Variants in NINL observed in about 807,000 individuals in gnomAD.
The protein encoded by NINL is ninein-like protein.
A neutral mutation model predicts 160.3 loss-of-function variants in NINL; 153 were observed. The ratio of observed to expected loss-of-function variants is 0.95; its 90% CI spans 0.84 to 1.09. The LOEUF (loss-of-function observed/expected upper bound fraction) is 1.09, where lower values mean the gene tolerates loss of function less well. Among genes scored for constraint, NINL ranks in the 50% least tolerant of loss-of-function variants. The pLI is 0.00. For missense variants in NINL, 1,829 were observed against 1,764.0 expected (o/e 1.04, Z -0.66); for synonymous variants, 800 against 734.8 (o/e 1.09, Z -1.43).
intron 6 of NINL, among the ~76,000 whole-genome samples, chr20:25,504,555 C>A (rs2063926878): frequency 6.6e-6 from 1 of 152,142 alleles, no homozygotes; most frequent in Non-Finnish European, 1.5e-5. Flanking sequence ...TCTTGGAGGC[C>A]TTGTCTTGGC....
rs2063273421 is a variant in NINL at position 25,477,050 on chromosome 20, C to A, written c.2241G>T (p.Gly747=). 1 of 1,598,410 alleles carries A rather than the reference C, an allele frequency of 6.3e-7. No individual in the cohort carries two copies. Among genetic ancestry groups the A allele is most frequent in the Non-Finnish European group, 8.5e-7 (1 of 1,179,514 alleles). ...CTCTGCGAGCGGGCAGGGCTCCCAG[C>A]CCCGACAGCTCTCCACTCAGCTCCG... is the stretch of plus-strand genomic sequence containing the variant. The part of the protein sequence containing the change: ...AEAELSGELS[G]LGALPARRDL... Residue 747 remains glycine (G), a synonymous_variant, in exon 17 of 24, where the codon GGG becomes GGT. Coordinates refer to ENST00000278886, the MANE Select transcript of NINL (RefSeq NM_025176.6).
chr20:25,455,105 G>A (rs1022347883), intron 23 of NINL, among the ~76,000 whole-genome samples: 4 of 152,014 alleles, frequency 2.6e-5, no homozygotes, highest in Non-Finnish European at 1.5e-5. Context: ...CCCCAGACAC[G>A]AGGAGATGTG....
intron 1 of NINL, among the ~76,000 whole-genome samples, chr20:25,534,630 T>C (rs388007): frequency 0.03 from 4,506 of 152,296 alleles, 213 homozygotes; most frequent in African/African-American, 0.099. Flanking sequence ...AACTAGAGTA[T>C]TGTAATCTTA....
At position 25,540,666 on chromosome 20, in the gene NINL, G is replaced by A. The variant is rs556312328; in HGVS notation, c.-11-14068C>T. Among the ~76,000 whole-genome samples the A allele has an allele frequency of 5.3e-5, 8 of 152,230 alleles. No homozygotes were observed. The South Asian group carries it at 1.7e-3, about 32-fold the overall frequency. ...ACAGGGCTGAGGCAGCCCTTTGAGG[G>A]TGTTCCTTTTTAATCTGGAAAGATG... On this transcript the variant is annotated intron_variant, in intron 1 of 23. Transcript: ENST00000278886.
intron 1 of NINL, among the ~76,000 whole-genome samples, chr20:25,563,339 A>G (rs926221741): frequency 6.6e-6 from 1 of 152,368 alleles, no homozygotes; most frequent in Non-Finnish European, 1.5e-5. Context: ...CAAGTGGCAC[A>G]ATATTATTTC....
At chr20:25,466,315 C>A (rs1461628343) in intron 19 of NINL, among the ~76,000 whole-genome samples, 2 of 152,074 alleles carry the variant, frequency 1.3e-5, no homozygotes, top group Non-Finnish European at 2.9e-5. Context: ...AGGCACTGCA[C>A]CCGGCCTGTA....
intron 1 of NINL, among the ~76,000 whole-genome samples, chr20:25,539,426 C>T (rs1362913491): frequency 6.6e-6 from 1 of 152,236 alleles, no homozygotes; most frequent in African/African-American, 2.4e-5. Context: ...AGTCCCAGCT[C>T]CTGCCACTTG....
rs923796464 is a variant in NINL, at chr20:25,537,526, T to C, written c.-11-10928A>G. On this transcript the variant is annotated intron_variant, in intron 1 of 23. Coordinates refer to ENST00000278886, the MANE Select transcript of NINL (RefSeq NM_025176.6). ...TCCTGGGGAGGTGTGAAGTTCATTA[T>C]GGAGCTAGTCATCCCCACACACAAA... is the stretch of plus-strand genomic sequence containing the variant. Among the ~76,000 whole-genome samples the C allele has an allele frequency of 4.6e-5, 7 of 152,360 alleles. No homozygotes were observed. In the South Asian group the frequency reaches 1.5e-3, roughly 32 times the overall value.
chr20:25,472,328 T>TATATAG (rs2063117277), intron 17 of NINL, among the ~76,000 whole-genome samples: 1 of 28,802 alleles, frequency 3.5e-5, no homozygotes. Context: ...GGAGAGGATA[T>TATATAG]ATATATATAT....
chr20:25,581,446 T>TA (rs10642894), intron 1 of NINL, among the ~76,000 whole-genome samples: 7,808 of 146,692 alleles, frequency 0.053, 546 homozygotes, highest in African/African-American at 0.16. Context: ...CTTCTCAGTT[T>TA]AAAAAAAAAA....
At chr20:25,574,778 T>C (rs2065095797) in intron 1 of NINL, among the ~76,000 whole-genome samples, 1 of 152,134 alleles carries the variant, frequency 6.6e-6, no homozygotes, top group Non-Finnish European at 1.5e-5. Context: ...GGGGGTGGAA[T>C]CCTTGAGTGT....
chr20:25,480,215 C>T lies in NINL; in HGVS notation c.1863G>A (p.Met621Ile). 18 of 1,614,126 alleles carry T rather than the reference C, an allele frequency of 1.1e-5. No homozygotes were observed. Among genetic ancestry groups the T allele is most frequent in the Non-Finnish European group, 1.5e-5 (18 of 1,180,024 alleles). ...SAPVSIETEL[M>I]MEQVKEHYQD... ...GGTAATGCTCCTTTACCTGCTCCATCATCAGCTCCGTTTCTATACTCACTG... is the reference window on the plus strand; with the variant it reads ...GGTAATGCTCCTTTACCTGCTCCATTATCAGCTCCGTTTCTATACTCACTG... Residue 621 changes from methionine (M) to isoleucine (I), a missense_variant, in exon 15 of 24, where the codon ATG becomes ATA. Transcript: ENST00000278886.
At chr20:25,565,051 G>T (rs2064985146) in intron 1 of NINL, among the ~76,000 whole-genome samples, 1 of 152,134 alleles carries the variant, frequency 6.6e-6, no homozygotes, top group South Asian at 2.1e-4. Flanking sequence ...GTAGGGGCAG[G>T]AAGTGACATA....
intron 10 of NINL, among the ~76,000 whole-genome samples, chr20:25,493,236 A>G (rs144637437): frequency 6.6e-6 from 1 of 152,298 alleles, no homozygotes; most frequent in East Asian, 1.9e-4. Flanking sequence ...AGTGTCTCAC[A>G]AGGAGCACTC....
chr20:25,535,119 A>G (rs1215479272), intron 1 of NINL, among the ~76,000 whole-genome samples: 2 of 152,206 alleles, frequency 1.3e-5, no homozygotes, highest in African/African-American at 4.8e-5. Flanking sequence ...TTGCAACAAC[A>G]TGGATACGCC....
intron 1 of NINL, among the ~76,000 whole-genome samples, chr20:25,562,771 TAA>T (rs79712300): frequency 1.5e-5 from 2 of 129,122 alleles, no homozygotes; most frequent in Non-Finnish European, 3.4e-5. Flanking sequence ...GAATGATCAA[TAA>T]AAAAAAAAAA....
chr20:25,458,750 A>C, intron 21 of NINL: 1 of 523,094 alleles, frequency 1.9e-6, no homozygotes, highest in Non-Finnish European at 3.3e-6. Flanking sequence ...AGTGCAGAAA[A>C]CATGTCCATC....
chr20:25,526,354 G>C (rs866361062), intron 2 of NINL, 54 bp downstream of exon 2: 1 of 1,490,022 alleles, frequency 6.7e-7, no homozygotes, highest in South Asian at 1.2e-5. Context: ...ATGCCCATAA[G>C]AGCCAACTAT....
chr20:25,527,864 C>T (rs1372514566), intron 1 of NINL, among the ~76,000 whole-genome samples: 3 of 151,878 alleles, frequency 2.0e-5, no homozygotes, highest in African/African-American at 7.3e-5. Flanking sequence ...CATGAAATTC[C>T]TTATATTTAA....
Sources: allele counts gnomAD v4.1 joint callset (sites outside exome capture counted in the v4.1 genomes callset), GRCh38; gene constraint gnomAD v4.1.1; transcripts MANE v1.5; gene names NCBI Gene and HGNC (gene_info 2026-07-23, HGNC 2026-07-21).